The following ADCY2 variants were observed in gnomAD, a reference collection of about 807,000 sequenced individuals.
ADCY2 encodes the protein adenylate cyclase 2, also known as adenylate cyclase type 2.
ADCY2 carries 31 observed loss-of-function variants against 125.2 expected under a neutral mutation model. That is an observed-to-expected ratio of 0.25 (90% CI 0.19 to 0.33). The LOEUF (loss-of-function observed/expected upper bound fraction) is 0.33, where lower values mean the gene tolerates loss of function less well. Ranked by LOEUF, ADCY2 falls within the 10% of genes least tolerant of loss-of-function variation. The probability of loss-of-function intolerance (pLI) is 1.00; values close to 1 mark genes in which losing one functional copy is unlikely to be tolerated. For missense variants in ADCY2, 904 were observed against 1,418.2 expected (o/e 0.64, Z 5.82); for synonymous variants, 512 against 548.4 (o/e 0.93, Z 0.93).
At chr5:7,496,985 C>T (rs771841932) in intron 2 of ADCY2, among the ~76,000 whole-genome samples, 10 of 152,072 alleles carry the variant, frequency 6.6e-5, no homozygotes, top group Non-Finnish European at 1.2e-4. Flanking sequence ...GACTCAGGTC[C>T]TTATTAATTT....
chr5:7,454,725 G>T (rs1483687691), intron 2 of ADCY2, among the ~76,000 whole-genome samples: 2 of 152,136 alleles, frequency 1.3e-5, no homozygotes, highest in African/African-American at 4.8e-5. Flanking sequence ...TGTTTTGGAA[G>T]TTCCTATGGG....
At chr5:7,407,976 C>T (rs1739565293) in intron 1 of ADCY2, among the ~76,000 whole-genome samples, 1 of 149,028 alleles carries the variant, frequency 6.7e-6, no homozygotes, top group Non-Finnish European at 1.5e-5. Context: ...TCAAGTGATT[C>T]TTGTGCCTCA....
chr5:7,783,908 T>G (rs1210882682), intron 18 of ADCY2, among the ~76,000 whole-genome samples: 1 of 152,226 alleles, frequency 6.6e-6, no homozygotes, highest in Non-Finnish European at 1.5e-5. Flanking sequence ...TAAGATTGGA[T>G]GACTGCTTGA....
intron 4 of ADCY2, among the ~76,000 whole-genome samples, chr5:7,652,461 A>G (rs1268956981): frequency 6.6e-6 from 1 of 152,234 alleles, no homozygotes; most frequent in East Asian, 1.9e-4. Flanking sequence ...CGTATAGTTA[A>G]CATTATAACA....
In ADCY2 at chr5:7,744,995, C is replaced by T. The variant is rs1337726085; in HGVS notation, c.1956+1243C>T. On this transcript the variant is annotated intron_variant, in intron 15 of 24. Coordinates refer to ENST00000338316, the MANE Select transcript of ADCY2 (RefSeq NM_020546.3). The stretch of plus-strand genomic sequence containing the variant: ...GGTTTGTGGCCTGTCTGTTACCTCT[C>T]AGGAGTATTGTGGCTTCTATGAAAG... Among the ~76,000 whole-genome samples the T allele has an allele frequency of 2.8e-4, 42 of 152,202 alleles. 1 individual carries two copies. Among genetic ancestry groups the T allele is most frequent in the Admixed American group, 2.7e-3 (42 of 15,284 alleles).
At chr5:7,549,792 C>T (rs974116542) in intron 3 of ADCY2, among the ~76,000 whole-genome samples, 5 of 152,146 alleles carry the variant, frequency 3.3e-5, no homozygotes, top group African/African-American at 9.7e-5. Context: ...GGCCAGGCAG[C>T]GTGTGAGTGG....
At chr5:7,584,532 C>G (rs1254094543) in intron 3 of ADCY2, among the ~76,000 whole-genome samples, 1 of 152,060 alleles carries the variant, frequency 6.6e-6, no homozygotes, top group Admixed American at 6.5e-5. Context: ...AGTATAGACA[C>G]GTATCACTAT....
chr5:7,716,434 G>A lies in ADCY2; in HGVS notation c.1623-723G>A, dbSNP rs559546179. Among the ~76,000 whole-genome samples, 7 of 152,272 alleles carry A rather than the reference G, an allele frequency of 4.6e-5. No homozygotes were observed. In the South Asian group the frequency reaches 1.0e-3, roughly 23 times the overall value. On this transcript the variant is annotated intron_variant, in intron 11 of 24. Transcript: ENST00000338316. ...AGTTTATGAAGGCAACAAGTCAAAA[G>A]CTAATACATCTCCTAGGAGAGAAAG...
chr5:7,569,121 G>A (rs1409327620), intron 3 of ADCY2, among the ~76,000 whole-genome samples: 1 of 152,172 alleles, frequency 6.6e-6, no homozygotes, highest in Non-Finnish European at 1.5e-5. Flanking sequence ...GATAGAGATG[G>A]AAATGAGCAA....
At chr5:7,697,956 G>T (rs145896539) in intron 6 of ADCY2, among the ~76,000 whole-genome samples, 2 of 152,170 alleles carry the variant, frequency 1.3e-5, no homozygotes, top group Non-Finnish European at 2.9e-5. Context: ...AAAGAGATTG[G>T]CCCCATCACC....
chr5:7,603,778 C>T (rs1350938472), intron 3 of ADCY2, among the ~76,000 whole-genome samples: 12 of 44,940 alleles, frequency 2.7e-4, no homozygotes, highest in East Asian at 6.4e-4. Flanking sequence ...GGGTAATGCT[C>T]TCTTTCTTTT....
intron 7 of ADCY2, among the ~76,000 whole-genome samples, chr5:7,699,548 TG>T (rs1296674503): frequency 6.6e-6 from 1 of 152,162 alleles, no homozygotes; most frequent in African/African-American, 2.4e-5. Context: ...AGTAATGCAA[TG>T]GAAAGTAAGA....
At chr5:7,650,734 A>C (rs1450556823) in intron 4 of ADCY2, among the ~76,000 whole-genome samples, 1 of 152,226 alleles carries the variant, frequency 6.6e-6, no homozygotes, top group African/African-American at 2.4e-5. Context: ...TAAAAATTTC[A>C]ATTCTTTTGA....
chr5:7,688,307 G>T (rs1740593077), intron 4 of ADCY2, among the ~76,000 whole-genome samples: 1 of 147,074 alleles, frequency 6.8e-6, no homozygotes, highest in South Asian at 2.1e-4. Flanking sequence ...TCACTCTGTT[G>T]CCCAGGCTGG....
intron 14 of ADCY2, among the ~76,000 whole-genome samples, chr5:7,742,600 T>C (rs1056716436): frequency 1.3e-5 from 2 of 152,170 alleles, no homozygotes; most frequent in Non-Finnish European, 2.9e-5. Flanking sequence ...GGAGTAGGTA[T>C]CTGAGATAAA....
chr5:7,751,259 T>G (rs1742805214), intron 15 of ADCY2, among the ~76,000 whole-genome samples: 1 of 152,248 alleles, frequency 6.6e-6, no homozygotes, highest in South Asian at 2.1e-4. Flanking sequence ...TTTGTTACTT[T>G]AATCTTAATT....
intron 3 of ADCY2, among the ~76,000 whole-genome samples, chr5:7,610,056 A>G (rs553826392): frequency 6.6e-6 from 1 of 152,208 alleles, no homozygotes; most frequent in Non-Finnish European, 1.5e-5. Context: ...GGTTGTATAA[A>G]GAATTTAGGG....
At chr5:7,421,688 A>G (rs372428578) in intron 2 of ADCY2, among the ~76,000 whole-genome samples, 1 of 152,168 alleles carries the variant, frequency 6.6e-6, no homozygotes, top group Admixed American at 6.5e-5. Context: ...AGGCATTTCC[A>G]TCTTGTGGAG....
intron 3 of ADCY2, among the ~76,000 whole-genome samples, chr5:7,575,163 A>C (rs893943219): frequency 6.6e-6 from 1 of 152,100 alleles, no homozygotes; most frequent in African/African-American, 2.4e-5. Flanking sequence ...GTGTCTCTCT[A>C]TAAAAAAAAA....
Sources: gnomAD v4.1 joint callset for allele counts (sites outside exome capture counted in the v4.1 genomes callset) on GRCh38, gnomAD v4.1.1 for gene constraint, MANE v1.5 for transcripts, NCBI Gene and HGNC (gene_info 2026-07-23, HGNC 2026-07-21) for gene names.